Variants in PDZD2 observed in about 807,000 individuals in gnomAD.
PDZD2 encodes the protein PDZ domain containing 2.
Under a neutral mutation model 220.7 loss-of-function variants are expected in PDZD2, and 90 were observed. The observed-to-expected ratio is 0.41, with a 90% CI of 0.34 to 0.49. PDZD2 has a LOEUF of 0.49. PDZD2 is among the 20% of genes least tolerant of loss of function. The pLI is 0.28. For synonymous variants in PDZD2, 1,375 were observed against 1,450.5 expected, an observed-to-expected ratio of 0.95 and a Z score of 1.18; for missense variants, 3,174 against 3,608.5, an observed-to-expected ratio of 0.88 and a Z score of 3.08.
chr5:32,064,699 C>G (rs1740043022), intron 14 of PDZD2, among the ~76,000 whole-genome samples: 1 of 152,196 alleles, frequency 6.6e-6, no homozygotes. Flanking sequence ...CGGGTGCGGT[C>G]GCTCACATCT....
intron 2 of PDZD2, among the ~76,000 whole-genome samples, chr5:31,970,530 C>T (rs191684039): frequency 1.3e-5 from 2 of 152,052 alleles, no homozygotes; most frequent in Admixed American, 1.3e-4. Context: ...ATGGTGGGTG[C>T]CTATAATCCC....
intron 2 of PDZD2, among the ~76,000 whole-genome samples, chr5:31,970,226 G>A (rs1009637114): frequency 6.6e-5 from 10 of 152,062 alleles, no homozygotes; most frequent in African/African-American, 2.4e-4. Flanking sequence ...GGCAAAAATA[G>A]GCAATTCTCA....
intron 1 of PDZD2, among the ~76,000 whole-genome samples, chr5:31,697,452 G>A (rs1314721513): frequency 6.6e-6 from 1 of 152,154 alleles, no homozygotes; most frequent in African/African-American, 2.4e-5. Flanking sequence ...AACAGAGTGA[G>A]ACTCCATCTC....
chr5:32,006,353 A>ATTT (rs71912250), intron 5 of PDZD2, among the ~76,000 whole-genome samples: 18,281 of 134,222 alleles, frequency 0.14, 1,430 homozygotes, highest in Admixed American at 0.15. Flanking sequence ...AGGAAGTACA[A>ATTT]TTTTTTTTTT....
chr5:31,854,946 G>A (rs1467050639), intron 2 of PDZD2: 3 of 984,898 alleles, frequency 3.0e-6, no homozygotes, highest in Non-Finnish European at 2.4e-6. Context: ...CCTGGAGCCG[G>A]CGGAGAGCAG....
At chr5:31,641,058 A>G (rs112452112) in intron 1 of PDZD2, among the ~76,000 whole-genome samples, 2,873 of 152,256 alleles carry the variant, frequency 0.019, 94 homozygotes, top group African/African-American at 0.065. Context: ...GAAACTTATG[A>G]TAATTTCTCT....
intron 2 of PDZD2, among the ~76,000 whole-genome samples, chr5:31,885,724 A>G (rs1740398351): frequency 6.6e-6 from 1 of 152,210 alleles, no homozygotes; most frequent in African/African-American, 2.4e-5. Flanking sequence ...TACACTATGT[A>G]GCCATTAAGT....
intron 1 of PDZD2, chr5:31,661,652 C>G (rs933039531): frequency 6.6e-6 from 1 of 152,180 alleles, no homozygotes; most frequent in Admixed American, 6.5e-5. Context: ...GCACCTGATC[C>G]TAACTTTGTT....
intron 13 of PDZD2, 66 bp from the exon 14 acceptor site, chr5:32,060,936 G>A: frequency 6.6e-7 from 1 of 1,508,006 alleles, no homozygotes; most frequent in Non-Finnish European, 9.2e-7. Context: ...CTCCTAGCAA[G>A]AAGGCTATTT....
chr5:31,929,230 A>G (rs1386397828), intron 2 of PDZD2, among the ~76,000 whole-genome samples: 1 of 152,204 alleles, frequency 6.6e-6, no homozygotes, highest in Non-Finnish European at 1.5e-5. Flanking sequence ...TCTCTGATTC[A>G]TTTAATTTTC....
intron 1 of PDZD2, among the ~76,000 whole-genome samples, chr5:31,657,922 C>T (rs996623402): frequency 6.6e-6 from 1 of 152,170 alleles, no homozygotes; most frequent in Non-Finnish European, 1.5e-5. Context: ...AGCCCATACC[C>T]CTAGGAACCA....
At chr5:31,749,961 C>A (rs1750847273) in intron 1 of PDZD2, among the ~76,000 whole-genome samples, 1 of 152,222 alleles carries the variant, frequency 6.6e-6, no homozygotes, top group South Asian at 2.1e-4. Flanking sequence ...TTTGGGCTTG[C>A]AGGGTCCTCT....
rs570370319 is a variant in PDZD2, at chr5:31,725,787, T to G, written c.-360-73102T>G. ...TGGGACTTGGACCGTGATCTTGATT[T>G]GGATTTAGATCTTGAAAAAGATCCA... On this transcript the variant is annotated intron_variant, in intron 1 of 24. Coordinates refer to ENST00000438447, the MANE Select transcript of PDZD2 (RefSeq NM_178140.4). 13 of 957,982 alleles carry G rather than the reference T, an allele frequency of 1.4e-5. No individual in the cohort carries two copies. In the South Asian group the frequency reaches 1.8e-4, roughly 13 times the overall value. The allele number at this position is 957,982 out of a possible 1,614,324, so 59.3% of individuals were successfully genotyped here. A position where few individuals can be genotyped will look rare whatever the true frequency, so the allele number is the denominator to read the frequency against.
At chr5:32,107,004 A>G (rs1231890041) in intron 24 of PDZD2, among the ~76,000 whole-genome samples, 4 of 152,218 alleles carry the variant, frequency 2.6e-5, no homozygotes, top group African/African-American at 7.2e-5. Context: ...AATAATTTCA[A>G]TAACGACTTT....
chr5:31,793,959 A>G (rs1023109438), intron 1 of PDZD2, among the ~76,000 whole-genome samples: 1 of 152,156 alleles, frequency 6.6e-6, no homozygotes, highest in Non-Finnish European at 1.5e-5. Context: ...TCAGGCTGTG[A>G]TTTCAGCGTG....
At chr5:32,013,779 C>T (rs1049806731) in intron 6 of PDZD2, among the ~76,000 whole-genome samples, 3 of 152,172 alleles carry the variant, frequency 2.0e-5, no homozygotes, top group Admixed American at 6.5e-5. Context: ...ACACCACCTC[C>T]GCCTCCCTCC....
At chr5:31,910,217 A>ATTTT (rs70957978) in intron 2 of PDZD2, among the ~76,000 whole-genome samples, 13,397 of 106,642 alleles carry the variant, frequency 0.13, 1,328 homozygotes, top group Non-Finnish European at 0.15. Flanking sequence ...GAGTTCCTGC[A>ATTTT]TTTTTTTTTT....
At chr5:31,957,802 A>G (rs1747845365) in intron 2 of PDZD2, among the ~76,000 whole-genome samples, 1 of 152,230 alleles carries the variant, frequency 6.6e-6, no homozygotes, top group South Asian at 2.1e-4. Context: ...CAGACCTTCA[A>G]GTTGGAGTCA....
chr5:31,793,736 G>C (rs2150223408), intron 1 of PDZD2, among the ~76,000 whole-genome samples: 1 of 152,350 alleles, frequency 6.6e-6, no homozygotes, highest in African/African-American at 2.4e-5. Flanking sequence ...GAAACCGGGA[G>C]GCGGAGGTTG....
Sources: gnomAD v4.1 joint callset for allele counts (sites outside exome capture counted in the v4.1 genomes callset) on GRCh38, gnomAD v4.1.1 for gene constraint, MANE v1.5 for transcripts, NCBI Gene and HGNC (gene_info 2026-07-23, HGNC 2026-07-21) for gene names.